Variants in INO80 observed in about 807,000 individuals in gnomAD.
INO80 encodes the protein INO80 complex ATPase subunit.
INO80 carries 20 observed loss-of-function variants against 203.4 expected under a neutral mutation model. That is an observed-to-expected ratio of 0.10 (90% CI 0.07 to 0.14). The LOEUF is 0.14. Among genes scored for constraint, INO80 ranks in the 10% least tolerant of loss-of-function variants. The pLI is 1.00. For synonymous variants in INO80, 726 were observed against 685.2 expected (o/e 1.06, Z -0.93); for missense variants, 1,419 against 1,914.4 (o/e 0.74, Z 4.83).
At chr15:41,027,845 G>A (rs1596271394) in intron 24 of INO80, 109 bp from the exon 25 acceptor site, 1 of 731,062 alleles carries the variant, frequency 1.4e-6, no homozygotes, top group African/African-American at 1.8e-5. Context: ...TTTCTTCCCT[G>A]TAAATACTAT....
At chr15:41,100,517 G>C (rs2045792038) in intron 1 of INO80, among the ~76,000 whole-genome samples, 1 of 152,116 alleles carries the variant, frequency 6.6e-6, no homozygotes, top group South Asian at 2.1e-4. Flanking sequence ...GTATACATCA[G>C]TCCTGTCAAC....
intron 4 of INO80, among the ~76,000 whole-genome samples, chr15:41,094,415 TTC>T (rs1449379629): frequency 1.2e-4 from 19 of 152,320 alleles, no homozygotes; most frequent in African/African-American, 4.6e-4. Flanking sequence ...TATAAGATGG[TTC>T]TCTGTGATCA....
intron 28 of INO80, among the ~76,000 whole-genome samples, chr15:40,998,040 T>TTA (rs1475034098): frequency 1.8e-4 from 14 of 78,818 alleles, no homozygotes; most frequent in African/African-American, 6.4e-4. Flanking sequence ...TTTTTTTTTT[T>TTA]AGACGTAGTC....
Position 41,092,023 on chromosome 15 carries a change from T to C in INO80, c.537+4A>G. On this transcript the variant is annotated splice_donor_region_variant and intron_variant, in intron 5 of 35. Transcript: ENST00000648947. The stretch of plus-strand genomic sequence containing the variant: ...GTTTGAAGTGTTTCTCCTGAAACTC[T>C]TACCTCCTTGTCTTTACTATACTTA... 1 of 1,596,486 alleles carries C rather than the reference T, an allele frequency of 6.3e-7. No individual in the cohort carries two copies. The highest frequency in any genetic ancestry group is 8.6e-7 in the Non-Finnish European group (1 of 1,165,754).
At chr15:41,078,053 C>G (rs1022839508) in intron 9 of INO80, among the ~76,000 whole-genome samples, 3 of 151,978 alleles carry the variant, frequency 2.0e-5, no homozygotes, top group African/African-American at 7.2e-5. Flanking sequence ...GCGGCCGCCA[C>G]CATGCCCGGC....
At chr15:41,004,030 G>A (rs141058326) in intron 28 of INO80, among the ~76,000 whole-genome samples, 52 of 152,342 alleles carry the variant, frequency 3.4e-4, no homozygotes, top group East Asian at 3.3e-3. Context: ...AAGAAAAGAT[G>A]AAGATCACCC....
chr15:41,060,176 A>G (rs1019498740), intron 14 of INO80, among the ~76,000 whole-genome samples: 2 of 152,234 alleles, frequency 1.3e-5, no homozygotes, highest in Non-Finnish European at 2.9e-5. Context: ...CCAAATCAGA[A>G]AACAACGGAA....
chr15:41,116,212 A>G lies in INO80; in HGVS notation c.-283T>C. 1 of 406,996 alleles carries G rather than the reference A, an allele frequency of 2.5e-6. No homozygotes were observed. The allele number at this position is 406,996 out of a possible 1,614,324, so 25.2% of individuals were successfully genotyped here. A position where few individuals can be genotyped will look rare whatever the true frequency, so the allele number is the denominator to read the frequency against. On this transcript the variant is annotated 5_prime_UTR_variant, in exon 1 of 36. Transcript: ENST00000648947. The stretch of plus-strand genomic sequence containing the variant: ...CGCTGGGCCGGCGGCGGCGGCGGCC[A>G]CTTTCACTCACTGAGAGGAGCGGAG...
At chr15:41,039,639 C>A (rs892991890) in intron 24 of INO80, among the ~76,000 whole-genome samples, 1 of 152,196 alleles carries the variant, frequency 6.6e-6, no homozygotes, top group Non-Finnish European at 1.5e-5. Context: ...AAGCACCAGA[C>A]AATTCCCAAA....
intron 27 of INO80, among the ~76,000 whole-genome samples, chr15:41,008,742 C>T (rs1248163892): frequency 1.3e-5 from 2 of 152,158 alleles, no homozygotes; most frequent in Non-Finnish European, 2.9e-5. Flanking sequence ...TTCAGCATGG[C>T]CCTCAAATGG....
At chr15:41,030,603 C>A (rs1266293164) in intron 24 of INO80, among the ~76,000 whole-genome samples, 1 of 152,004 alleles carries the variant, frequency 6.6e-6, no homozygotes, top group Non-Finnish European at 1.5e-5. Context: ...CACAAGTGAT[C>A]CCCTCTCCTC....
At chr15:41,033,707 G>C (rs1244063043) in intron 24 of INO80, among the ~76,000 whole-genome samples, 1 of 152,116 alleles carries the variant, frequency 6.6e-6, no homozygotes, top group African/African-American at 2.4e-5. Flanking sequence ...ACAAACATAA[G>C]AGAAGGAAAT....
chr15:41,049,516 T>C, intron 20 of INO80, 96 bp from the exon 21 acceptor site: 1 of 1,127,418 alleles, frequency 8.9e-7, no homozygotes. Context: ...CCTTTGGGAA[T>C]GGATACTTTC....
Position 41,091,198 on chromosome 15 carries a change from A to G in INO80, c.537+829T>C, listed in dbSNP as rs1383171895. Among the ~76,000 whole-genome samples the G allele has an allele frequency of 3.9e-5, 6 of 152,244 alleles. No homozygotes were observed. The East Asian group carries it at 1.2e-3, about 29-fold the overall frequency. On this transcript the variant is annotated intron_variant, in intron 5 of 35. Coordinates refer to ENST00000648947, the MANE Select transcript of INO80 (RefSeq NM_017553.3). The stretch of plus-strand genomic sequence containing the variant: ...CTGGGCCTCCCAAAGTGCTGGGATT[A>G]CAGGCGTGAGTCACTGCGCCCAGCC...
At chr15:41,088,291 C>A (rs555407488) in intron 5 of INO80, among the ~76,000 whole-genome samples, 1 of 151,800 alleles carries the variant, frequency 6.6e-6, no homozygotes, top group Non-Finnish European at 1.5e-5. Flanking sequence ...GGTTTCACCA[C>A]GTTGGCCAGG....
chr15:41,041,585 C>A (rs181656206), intron 24 of INO80, among the ~76,000 whole-genome samples: 4 of 151,758 alleles, frequency 2.6e-5, no homozygotes, highest in South Asian at 2.1e-4. Flanking sequence ...GGATTACAGG[C>A]GCACACCGCC....
chr15:41,046,707 T>A (rs1482117706), intron 23 of INO80, among the ~76,000 whole-genome samples: 7 of 152,112 alleles, frequency 4.6e-5, no homozygotes, highest in Admixed American at 4.6e-4. Flanking sequence ...AACCTCCACC[T>A]CCTGGGTTCA....
At chr15:41,092,845 C>T (rs887787655) in intron 4 of INO80, among the ~76,000 whole-genome samples, 2 of 152,004 alleles carry the variant, frequency 1.3e-5, no homozygotes, top group Non-Finnish European at 2.9e-5. Flanking sequence ...TTGCTTGAGG[C>T]CGGGAGTTCG....
At chr15:41,027,801 A>T in intron 24 of INO80, 65 bp from the exon 25 acceptor site, 1 of 1,313,776 alleles carries the variant, frequency 7.6e-7, no homozygotes, top group Non-Finnish European at 1.0e-6. Context: ...AAATGAAAAA[A>T]AAAGCCACAT....
Sources: gnomAD v4.1 joint callset for allele counts (sites outside exome capture counted in the v4.1 genomes callset) on GRCh38, gnomAD v4.1.1 for gene constraint, MANE v1.5 for transcripts, NCBI Gene and HGNC (gene_info 2026-07-23, HGNC 2026-07-21) for gene names.